The following TGFB2 variants were observed in gnomAD, a reference collection of about 807,000 sequenced individuals.
The protein encoded by TGFB2 is transforming growth factor beta 2.
TGFB2 carries 13 observed loss-of-function variants against 42.7 expected under a neutral mutation model. The observed-to-expected ratio is 0.30, with a 90% CI of 0.20 to 0.48. The LOEUF (loss-of-function observed/expected upper bound fraction) is 0.48. Among genes scored for constraint, TGFB2 ranks in the 20% least tolerant of loss-of-function variants. The probability of loss-of-function intolerance (pLI) is 0.99; values close to 1 mark genes in which losing one functional copy is unlikely to be tolerated. For missense variants in TGFB2, 390 were observed against 517.5 expected (o/e 0.75, Z 2.39); for synonymous variants, 193 against 193.6 (o/e 1.00, Z 0.03).
intron 1 of TGFB2, among the ~76,000 whole-genome samples, chr1:218,378,613 C>A (rs1458635305): frequency 6.6e-6 from 1 of 152,108 alleles, no homozygotes; most frequent in Non-Finnish European, 1.5e-5. Context: ...CGTGCCCAGC[C>A]TGTTCATTTT....
chr1:218,427,874 G>A (rs1659676404), intron 2 of TGFB2, among the ~76,000 whole-genome samples: 1 of 152,160 alleles, frequency 6.6e-6, no homozygotes, highest in Admixed American at 6.5e-5. Context: ...GGGTCAAATG[G>A]TATTTCTACT....
At chr1:218,361,121 G>A (rs2102543554) in intron 1 of TGFB2, among the ~76,000 whole-genome samples, 1 of 152,284 alleles carries the variant, frequency 6.6e-6, no homozygotes, top group Non-Finnish European at 1.5e-5. Context: ...CCAAAGTGTT[G>A]GGATTATAGG....
At chr1:218,348,088 GAA>G (rs1169706865) in intron 1 of TGFB2, among the ~76,000 whole-genome samples, 1 of 150,664 alleles carries the variant, frequency 6.6e-6, no homozygotes, top group East Asian at 2.0e-4. Context: ...AAAAAAGAAA[GAA>G]AGAAAGAAAA....
At chr1:218,432,223 T>G (rs1324984599) in intron 2 of TGFB2, among the ~76,000 whole-genome samples, 1 of 152,210 alleles carries the variant, frequency 6.6e-6, no homozygotes. Context: ...CAGGAACATT[T>G]TGAGGATTAA....
At chr1:218,379,098 G>T (rs1010668899) in intron 1 of TGFB2, among the ~76,000 whole-genome samples, 1 of 151,422 alleles carries the variant, frequency 6.6e-6, no homozygotes, top group Non-Finnish European at 1.5e-5. Flanking sequence ...AAAGCAGACC[G>T]AGAACACATG....
chr1:218,365,119 G>A (rs1657344739), intron 1 of TGFB2, among the ~76,000 whole-genome samples: 3 of 152,014 alleles, frequency 2.0e-5, no homozygotes, highest in South Asian at 4.2e-4. Flanking sequence ...TTAGGAAATC[G>A]TGGTTTGGAG....
intron 4 of TGFB2, among the ~76,000 whole-genome samples, chr1:218,435,421 T>C (rs1330644703): frequency 1.3e-5 from 2 of 152,150 alleles, no homozygotes; most frequent in Admixed American, 6.5e-5. Context: ...ATAAAATAAA[T>C]GAAAAAGCCC....
intron 1 of TGFB2, among the ~76,000 whole-genome samples, chr1:218,384,331 A>G (rs1488564559): frequency 6.6e-6 from 1 of 152,220 alleles, no homozygotes; most frequent in Non-Finnish European, 1.5e-5. Flanking sequence ...GGTATGTGGG[A>G]TATTTGAAAG....
At chr1:218,388,209 A>T (rs1041553122) in intron 1 of TGFB2, among the ~76,000 whole-genome samples, 1 of 152,160 alleles carries the variant, frequency 6.6e-6, no homozygotes, top group African/African-American at 2.4e-5. Flanking sequence ...CAATAAAAGG[A>T]AGCAAAGGGA....
At position 218,363,519 on chromosome 1, in the gene TGFB2, T is replaced by C. The variant is rs59419303; in HGVS notation, c.346+16472T>C. The C allele has an allele frequency of 8.0e-4, 952 of 1,186,340 alleles. 4 individuals carry two copies. The African/African-American group carries it at 0.012, about 15-fold the overall frequency. The allele number at this position is 1,186,340 out of a possible 1,614,324, so 73.5% of individuals were successfully genotyped here. On this transcript the variant is annotated intron_variant, in intron 1 of 6. Coordinates refer to ENST00000366930, the MANE Select transcript of TGFB2 (RefSeq NM_003238.6). ...GGAACTTGCCAGAGGCAAGATGAGA[T>C]TCTGAAATGCAGCCTTGTACCTGAG... is the stretch of plus-strand genomic sequence containing the variant.
intron 2 of TGFB2, among the ~76,000 whole-genome samples, chr1:218,423,962 T>C (rs1229347290): frequency 6.6e-6 from 1 of 152,246 alleles, no homozygotes; most frequent in Non-Finnish European, 1.5e-5. Flanking sequence ...CTGCACCTTT[T>C]CGCTACGCTA....
chr1:218,347,108 C>G, intron 1 of TGFB2, 61 bp downstream of exon 1: 1 of 1,461,818 alleles, frequency 6.8e-7, no homozygotes, highest in Admixed American at 2.4e-5. Context: ...CTCTCAAAAC[C>G]GCAGCAGCTC....
At chr1:218,382,301 T>G (rs1657991688) in intron 1 of TGFB2, among the ~76,000 whole-genome samples, 1 of 152,158 alleles carries the variant, frequency 6.6e-6, no homozygotes, top group South Asian at 2.1e-4. Context: ...CCTTTGCTTT[T>G]GGGGACTGTA....
At chr1:218,400,310 C>T (rs1658672369) in intron 1 of TGFB2, among the ~76,000 whole-genome samples, 1 of 152,060 alleles carries the variant, frequency 6.6e-6, no homozygotes, top group South Asian at 2.1e-4. Context: ...CTCTCTCGCT[C>T]TCCAACTGTC....
intron 4 of TGFB2, among the ~76,000 whole-genome samples, chr1:218,435,598 A>G (rs1659944717): frequency 6.6e-6 from 1 of 152,128 alleles, no homozygotes; most frequent in Non-Finnish European, 1.5e-5. Context: ...GGCATGTTCT[A>G]TTGCCATGTG....
intron 1 of TGFB2, among the ~76,000 whole-genome samples, chr1:218,388,516 T>C (rs1344682835): frequency 2.0e-5 from 3 of 152,264 alleles, no homozygotes; most frequent in East Asian, 1.9e-4. Flanking sequence ...CAGGCTGTTC[T>C]GAAGACATCT....
At chr1:218,376,484 G>A (rs1485568379) in intron 1 of TGFB2, among the ~76,000 whole-genome samples, 1 of 152,200 alleles carries the variant, frequency 6.6e-6, no homozygotes, top group African/African-American at 2.4e-5. Context: ...TAAAAAATGA[G>A]ATAGGTAGGG....
intron 1 of TGFB2, among the ~76,000 whole-genome samples, chr1:218,356,983 G>T (rs998493888): frequency 2.6e-5 from 4 of 151,916 alleles, no homozygotes; most frequent in Non-Finnish European, 4.4e-5. Context: ...AGGCTGAGGC[G>T]GGTGGATCAC....
chr1:218,431,040 G>A lies in TGFB2; in HGVS notation c.511-3042G>A, dbSNP rs1028840208. ...AGAATGGAGTTAACATGCAACAAGT[G>A]GGTTAAGAACTCTTTGGCCATGAAG... is the stretch of plus-strand genomic sequence containing the variant. On this transcript the variant is annotated intron_variant, in intron 2 of 6. Coordinates refer to ENST00000366930, the MANE Select transcript of TGFB2 (RefSeq NM_003238.6). Among the ~76,000 whole-genome samples the A allele has an allele frequency of 2.6e-5, 4 of 152,156 alleles. No homozygotes were observed. The South Asian group carries it at 8.3e-4, about 32-fold the overall frequency.
Sources: gnomAD v4.1 joint callset for allele counts (sites outside exome capture counted in the v4.1 genomes callset) on GRCh38, gnomAD v4.1.1 for gene constraint, MANE v1.5 for transcripts, NCBI Gene and HGNC (gene_info 2026-07-23, HGNC 2026-07-21) for gene names.